The following CAMSAP1 variants were observed in gnomAD, a reference collection of about 807,000 sequenced individuals.
The protein encoded by CAMSAP1 is calmodulin-regulated spectrin-associated protein 1.
A neutral mutation model predicts 143.5 loss-of-function variants in CAMSAP1; 58 were observed. That is an observed-to-expected ratio of 0.40 (90% confidence interval 0.33 to 0.50). The LOEUF (loss-of-function observed/expected upper bound fraction) is 0.50, where lower values mean the gene tolerates loss of function less well. CAMSAP1 is among the 20% of genes least tolerant of loss of function. The pLI is 0.45. For synonymous variants in CAMSAP1, 945 were observed against 859.3 expected (o/e 1.10, Z -1.74); for missense variants, 1,969 against 2,115.7 (o/e 0.93, Z 1.36).
chr9:135,819,159 G>A lies in CAMSAP1; in HGVS notation c.3823-13C>T, dbSNP rs1485272605. On this transcript the variant is annotated splice_polypyrimidine_tract_variant and intron_variant, in intron 11 of 16. Transcript: ENST00000389532. ...CTTTCTGTTCATCCTGCAAGACAGA[G>A]GCCACACAGAGCATGACAGGAACCC... 2 of 1,598,344 alleles carry A rather than the reference G, an allele frequency of 1.3e-6. No homozygotes were observed. Among genetic ancestry groups the A allele is most frequent in the South Asian group, 2.3e-5 (2 of 88,032 alleles).
At position 135,818,696 on chromosome 9, in the gene CAMSAP1, C is replaced by A. The variant is rs539303001; in HGVS notation, c.3960-80G>T. ...CCTGCGCCGCGGCGCTCTGTCCAGG[C>A]GCGTTTCTCGGGTTCTCCCCGGCCG... On this transcript the variant is annotated intron_variant, in intron 12 of 16. Transcript: ENST00000389532. This position sits in a 1 kb window ranked among gnomAD's most constrained non-coding sequence, Gnocchi z 7.7. The A allele has an allele frequency of 1.0e-4, 154 of 1,482,082 alleles. No individual in the cohort carries two copies. Among genetic ancestry groups the A allele is most frequent in the Middle Eastern group, 4.3e-4 (2 of 4,608 alleles). The allele number at this position is 1,482,082 out of a possible 1,614,324, so 91.8% of individuals were successfully genotyped here. A position where few individuals can be genotyped will look rare whatever the true frequency, so the allele number is the denominator to read the frequency against.
intron 1 of CAMSAP1, among the ~76,000 whole-genome samples, chr9:135,891,495 T>C (rs998613987): frequency 2.0e-5 from 3 of 152,096 alleles, no homozygotes; most frequent in African/African-American, 7.2e-5. Context: ...GAACCAACAC[T>C]GCAGCCACCA....
intron 1 of CAMSAP1, among the ~76,000 whole-genome samples, chr9:135,892,054 T>C (rs1838305811): frequency 6.6e-6 from 1 of 152,054 alleles, no homozygotes; most frequent in Non-Finnish European, 1.5e-5. Flanking sequence ...TGTCAAAAGT[T>C]CCAACACTGT....
chr9:135,823,947 C>T lies in CAMSAP1; in HGVS notation c.1400+3G>A, dbSNP rs180986654. 1 of 1,572,480 alleles carries T rather than the reference C, an allele frequency of 6.4e-7. No homozygotes were observed. Among genetic ancestry groups the T allele is most frequent in the Non-Finnish European group, 8.6e-7 (1 of 1,157,590 alleles). ...CAGAAACACTGCTGAAACACAGACTCACCTGGTTTTTTTTTCTGGCCAGGC... is the reference window on the plus strand; with the variant it reads ...CAGAAACACTGCTGAAACACAGACTTACCTGGTTTTTTTTTCTGGCCAGGC... On this transcript the variant is annotated splice_donor_region_variant and intron_variant, in intron 10 of 16. Transcript: ENST00000389532.
intron 1 of CAMSAP1, among the ~76,000 whole-genome samples, chr9:135,887,836 G>A (rs542652402): frequency 8.8e-4 from 134 of 152,284 alleles, no homozygotes; most frequent in African/African-American, 3.0e-3. Context: ...AGTCGGCAAC[G>A]GCACTGTCAG....
chr9:135,883,654 G>A (rs1475778119), intron 1 of CAMSAP1, among the ~76,000 whole-genome samples: 1 of 152,208 alleles, frequency 6.6e-6, no homozygotes, highest in East Asian at 1.9e-4. Flanking sequence ...TAACCATGAC[G>A]ACACAGCAGC....
chr9:135,809,401 G>C lies in CAMSAP1; in HGVS notation c.*1908C>G, dbSNP rs1258381685. 6.6e-6 allele frequency: 1 copy of C among 152,196 alleles called. No individual in the cohort carries two copies. The highest frequency in any genetic ancestry group is 2.4e-5 in the African/African-American group (1 of 41,428). 9.4% of individuals were successfully genotyped at this position (152,196 alleles called of 1,614,324 possible). ...TCCAGAATTGATTCAGACGTCCCATGGGAATGCAATTTTCCAGCTCTATGC... is the reference window on the plus strand; with the variant it reads ...TCCAGAATTGATTCAGACGTCCCATCGGAATGCAATTTTCCAGCTCTATGC... On this transcript the variant is annotated 3_prime_UTR_variant, in exon 17 of 17. Coordinates refer to ENST00000389532, the MANE Select transcript of CAMSAP1 (RefSeq NM_015447.4).
chr9:135,821,317 T>G lies in CAMSAP1; in HGVS notation c.3344A>C (p.Gln1115Pro). 1 of 1,613,226 alleles carries G rather than the reference T, an allele frequency of 6.2e-7. No homozygotes were observed. The change falls in exon 11 of 17, where the codon CAG (glutamine) becomes CCG (proline). Residue 1115 changes from glutamine to proline, a missense_variant. Physicochemically the swap from Gln to Pro is moderately conservative, Grantham distance 76. This residue lies in a region of CAMSAP1 where 1,390 missense variants were observed against 1,420.8 expected (regional missense o/e 0.98). Transcript: ENST00000389532. The surrounding 1 kb of genome is among the most constrained non-coding windows in gnomAD (Gnocchi z 4.6). ...AELKVPKDRPQGSSRSKTPTP... is the reference protein window; with the variant it reads ...AELKVPKDRPPGSSRSKTPTP... ...TGGGGTTTTACTTCGGGAGGAGCCC[T>G]GTGGCCTGTCTTTTGGGACCTTCAG...
chr9:135,831,105 G>A (rs898426233), intron 7 of CAMSAP1, among the ~76,000 whole-genome samples: 19 of 152,312 alleles, frequency 1.2e-4, no homozygotes, highest in African/African-American at 3.8e-4. Flanking sequence ...CTGGGAGGCG[G>A]AGGCTGCAGT....
intron 7 of CAMSAP1, among the ~76,000 whole-genome samples, chr9:135,846,497 AAGCAATGGC>A (rs1836557179): frequency 6.6e-6 from 1 of 152,162 alleles, no homozygotes; most frequent in South Asian, 2.1e-4. Flanking sequence ...AAAAGAGCAA[AAGCAATGGC>A]AACAAAAGCC....
chr9:135,870,344 T>C (rs1193851416), intron 3 of CAMSAP1, among the ~76,000 whole-genome samples: 1 of 152,178 alleles, frequency 6.6e-6, no homozygotes, highest in Non-Finnish European at 1.5e-5. Context: ...GACGTGCCTC[T>C]TCCCCTTCCG....
intron 7 of CAMSAP1, among the ~76,000 whole-genome samples, chr9:135,842,396 G>A (rs1362458983): frequency 6.6e-6 from 1 of 152,194 alleles, no homozygotes; most frequent in Non-Finnish European, 1.5e-5. Flanking sequence ...AAGTGACGGG[G>A]AGAATGGAAC....
intron 16 of CAMSAP1, among the ~76,000 whole-genome samples, chr9:135,814,303 C>T (rs954730034): frequency 2.6e-5 from 4 of 152,210 alleles, no homozygotes; most frequent in Non-Finnish European, 4.4e-5. Context: ...CAACTAAGGA[C>T]CAGGGGTTAG....
At chr9:135,815,248 T>C in intron 15 of CAMSAP1, 33 bp from the exon 16 acceptor site, 1 of 1,452,502 alleles carries the variant, frequency 6.9e-7, no homozygotes, top group Admixed American at 2.0e-5. Flanking sequence ...GTAAAATTAT[T>C]ATTTTAAGGC....
At chr9:135,894,177 C>T (rs139035613) in intron 1 of CAMSAP1, among the ~76,000 whole-genome samples, 164 of 152,234 alleles carry the variant, frequency 1.1e-3, no homozygotes, top group African/African-American at 3.8e-3. Flanking sequence ...GATCCCTCAG[C>T]CCAGAAGCAC....
intron 7 of CAMSAP1, among the ~76,000 whole-genome samples, chr9:135,840,090 C>T (rs1157297884): frequency 1.3e-5 from 2 of 152,272 alleles, no homozygotes; most frequent in East Asian, 3.9e-4. Context: ...TACAATGGAC[C>T]CCTTGCAGCC....
In CAMSAP1 at chr9:135,852,598, C is replaced by G. The variant is rs1358527724; in HGVS notation, c.809-2137G>C. On this transcript the variant is annotated intron_variant, in intron 5 of 16. Transcript: ENST00000389532. ...AGCCAGCGCGGCTCCCTCGGTGAGG[C>G]CACCCCAAAGGCACCAGATTCCCTG... 3.9e-5 allele frequency among the ~76,000 whole-genome samples: 6 copies of G among 152,260 alleles called. No homozygotes were observed. The East Asian group carries it at 1.2e-3, about 29-fold the overall frequency.
At chr9:135,893,853 C>T (rs7020723) in intron 1 of CAMSAP1, among the ~76,000 whole-genome samples, 29,270 of 152,142 alleles carry the variant, frequency 0.19, 3,272 homozygotes, top group Non-Finnish European at 0.25. Flanking sequence ...CTTGTCTCTC[C>T]CTGTTCCTCT....
Position 135,894,594 on chromosome 9 carries a change from T to A in CAMSAP1, c.161-11516A>T, listed in dbSNP as rs117109984. On this transcript the variant is annotated intron_variant, in intron 1 of 16. Coordinates refer to ENST00000389532, the MANE Select transcript of CAMSAP1 (RefSeq NM_015447.4). ...TGGAAGCCCCAGGGGAGAGGCTAAG[T>A]CAAGCGACCAAAACAGCACCACAAA... 4.9e-4 allele frequency among the ~76,000 whole-genome samples: 74 copies of A among 152,184 alleles called. 1 individual carries two copies. In the East Asian group the frequency reaches 0.014, roughly 29 times the overall value.
Sources: gnomAD v4.1 joint callset for allele counts (sites outside exome capture counted in the v4.1 genomes callset) on GRCh38, gnomAD v4.1.1 for gene constraint, gnomAD v4.1.1 regional missense constraint, Gnocchi (gnomAD v3.1) non-coding constraint, MANE v1.5 for transcripts, NCBI Gene and HGNC (gene_info 2026-07-23, HGNC 2026-07-21) for gene names.